CPAMD8: variants seen among roughly 807,000 people sequenced by gnomAD.
CPAMD8 encodes C3 and PZP like alpha-2-macroglobulin domain containing 8.
Under a neutral mutation model 224.7 loss-of-function variants are expected in CPAMD8, and 146 were observed. The observed-to-expected ratio is 0.65, with a 90% CI of 0.57 to 0.75. The LOEUF is 0.75. Ranked by LOEUF, CPAMD8 falls within the 30% of genes least tolerant of loss-of-function variation. The pLI is 0.00. For synonymous variants in CPAMD8, 966 were observed against 1,044.6 expected (o/e 0.92, Z 1.45); for missense variants, 2,301 against 2,537.5 (o/e 0.91, Z 2.00).
intron 14 of CPAMD8, 55 bp downstream of exon 14, chr19:16,980,442 A>G (rs1310802686): frequency 8.4e-6 from 13 of 1,544,344 alleles, no homozygotes; most frequent in Non-Finnish European, 1.2e-5. Context: ...CACCCATCTC[A>G]GTCTCAATTG....
rs1178866065 is a variant in CPAMD8 at position 16,897,897 on chromosome 19, T to C, written c.4946A>G (p.Tyr1649Cys). 6.2e-7 allele frequency: 1 copy of C among 1,609,572 alleles called. No individual in the cohort carries two copies. Among genetic ancestry groups the C allele is most frequent in the Admixed American group, 1.7e-5 (1 of 59,716 alleles). ...SALPVSVYDY[Y>C]EPAFEATRFY... ...CGGGCGCGCGGGCCTACCGGGTTCG[T>C]AGTAGTCGTACACGGAGACTGGCAG... Residue 1649 changes from tyrosine to cysteine, a missense_variant, in exon 38 of 42, where the codon TAC becomes TGC. Tyr to Cys is a radical substitution (Grantham distance 194, BLOSUM62 -2). Coordinates refer to ENST00000443236, the MANE Select transcript of CPAMD8 (RefSeq NM_015692.5).
chr19:16,901,445 T>C (rs1447751434), intron 35 of CPAMD8, 148 bp from the exon 36 acceptor site: 1 of 670,578 alleles, frequency 1.5e-6, no homozygotes. Context: ...ACACACATCC[T>C]TGGCTCGGTC....
At chr19:17,021,884 C>T in intron 2 of CPAMD8, 146 bp downstream of exon 2, 1 of 681,334 alleles carries the variant, frequency 1.5e-6, no homozygotes. Context: ...TGCAACCTGT[C>T]TTCCCTCCCT....
chr19:17,013,352 T>C (rs1429562723), intron 3 of CPAMD8: 1 of 148,934 alleles, frequency 6.7e-6, no homozygotes, highest in African/African-American at 2.5e-5. Context: ...CTACAAAAAA[T>C]ACAAAAAAAA....
intron 3 of CPAMD8, among the ~76,000 whole-genome samples, chr19:17,016,855 A>G (rs1463022448): frequency 6.6e-6 from 1 of 151,892 alleles, no homozygotes; most frequent in Admixed American, 6.6e-5. Flanking sequence ...AAGAAATCCA[A>G]TCACAGGAAG....
chr19:17,009,890 G>A (rs560595251), intron 5 of CPAMD8, among the ~76,000 whole-genome samples: 41 of 152,232 alleles, frequency 2.7e-4, no homozygotes, highest in African/African-American at 8.4e-4. Context: ...ACAAGGCACC[G>A]GGGAGGATCC....
At chr19:16,984,505 G>A (rs986171892) in intron 13 of CPAMD8, among the ~76,000 whole-genome samples, 1 of 152,022 alleles carries the variant, frequency 6.6e-6, no homozygotes, top group African/African-American at 2.4e-5. Flanking sequence ...TTTGAGATGT[G>A]GCATCGGAAG....
chr19:16,916,658 G>A (rs1599693471), intron 27 of CPAMD8, among the ~76,000 whole-genome samples: 1 of 152,022 alleles, frequency 6.6e-6, no homozygotes, highest in Non-Finnish European at 1.5e-5. Context: ...AGAATTGCTT[G>A]ACCTCAGGAG....
At chr19:16,926,082 A>G (rs954198287) in intron 25 of CPAMD8, among the ~76,000 whole-genome samples, 1 of 152,046 alleles carries the variant, frequency 6.6e-6, no homozygotes, top group African/African-American at 2.4e-5. Context: ...TTTCTAAAAT[A>G]TTCAGATTTT....
chr19:16,995,061 C>A (rs964370822), intron 11 of CPAMD8, among the ~76,000 whole-genome samples: 1 of 152,224 alleles, frequency 6.6e-6, no homozygotes, highest in Non-Finnish European at 1.5e-5. Context: ...CTTCTTCATA[C>A]ACATTCTGAC....
chr19:17,025,273 G>T (rs552383522), intron 1 of CPAMD8, among the ~76,000 whole-genome samples: 1 of 152,238 alleles, frequency 6.6e-6, no homozygotes, highest in African/African-American at 2.4e-5. Flanking sequence ...TTAGCCGGGT[G>T]TGGTGGCACA....
intron 14 of CPAMD8, among the ~76,000 whole-genome samples, chr19:16,979,439 C>CGTCTACCAATCCACCCATTT (rs1799702078): frequency 1.6e-5 from 1 of 61,322 alleles, no homozygotes; most frequent in African/African-American, 2.0e-4. Flanking sequence ...TCCATCCATC[C>CGTCTACCAATCCACCCATTT]ATCTATCAAT....
chr19:16,893,498 G>A (rs2051840439), intron 41 of CPAMD8, 159 bp from the exon 42 acceptor site: 1 of 583,326 alleles, frequency 1.7e-6, no homozygotes, highest in African/African-American at 1.9e-5. Flanking sequence ...GGCAGCGAGG[G>A]GCCTCCGTGC....
chr19:17,025,862 A>G (rs2057068191), intron 1 of CPAMD8, among the ~76,000 whole-genome samples: 1 of 152,058 alleles, frequency 6.6e-6, no homozygotes, highest in South Asian at 2.1e-4. Flanking sequence ...AAATAACGAC[A>G]CCCACCTAGT....
At position 17,011,660 on chromosome 19, in the gene CPAMD8, G is replaced by T; in HGVS notation, c.365C>A (p.Thr122Asn). ...GPLFHNQTSV[T>N]VDGRGASVFI... ...TACAGAAGCGCCCCGGCCGTCCACGGTCACCGAGGTCTGGTTGTGAAAGAG... is the reference window on the plus strand; with the variant it reads ...TACAGAAGCGCCCCGGCCGTCCACGTTCACCGAGGTCTGGTTGTGAAAGAG... Residue 122 changes from threonine to asparagine, a missense_variant, in exon 4 of 42, where the codon ACC becomes AAC. Around this residue, in one of 4 missense-constraint regions of CPAMD8, gnomAD observed 283 missense variants for 340.6 expected, o/e 0.83. Coordinates refer to ENST00000443236, the MANE Select transcript of CPAMD8 (RefSeq NM_015692.5). 1.2e-6 allele frequency: 2 copies of T among 1,614,048 alleles called. No homozygotes were observed. The highest frequency in any genetic ancestry group is 1.7e-6 in the Non-Finnish European group (2 of 1,180,006).
chr19:16,996,782 G>A (rs544911482), intron 11 of CPAMD8, among the ~76,000 whole-genome samples: 11 of 145,002 alleles, frequency 7.6e-5, no homozygotes, highest in East Asian at 2.0e-4. Flanking sequence ...TGGAGCCACT[G>A]CACTCCAGCC....
At chr19:16,982,150 T>C (rs1203213801) in intron 13 of CPAMD8, among the ~76,000 whole-genome samples, 2 of 152,010 alleles carry the variant, frequency 1.3e-5, no homozygotes, top group African/African-American at 4.8e-5. Context: ...TCTCAGCACA[T>C]TGAGAGGCCG....
intron 7 of CPAMD8, among the ~76,000 whole-genome samples, chr19:17,007,772 T>C (rs73018325): frequency 0.033 from 4,998 of 152,146 alleles, 104 homozygotes; most frequent in Middle Eastern, 0.051. Flanking sequence ...TTCCTAGTCA[T>C]AGGAAAAGAA....
In CPAMD8 at chr19:17,002,314, C is replaced by G. The variant is rs768935168; in HGVS notation, c.710G>C (p.Arg237Pro). The part of the protein sequence containing the change: ...PKFELLIDPP[R>P]YIQDLDACET... ...ACAGGCGTCCAGGTCTTGGATATAC[C>G]GGGGCGGGTCAATCAGAAGCTCAAA... The change falls in exon 9 of 42, where the codon CGG (arginine) becomes CCG (proline). Residue 237 changes from arginine (R) to proline (P), a missense_variant. Arg to Pro is a moderately radical substitution (Grantham distance 103). Coordinates refer to ENST00000443236, the MANE Select transcript of CPAMD8 (RefSeq NM_015692.5). 1.9e-6 allele frequency: 3 copies of G among 1,606,330 alleles called. No individual in the cohort carries two copies. Among genetic ancestry groups the G allele is most frequent in the Non-Finnish European group, 2.6e-6 (3 of 1,175,622 alleles).
Sources: allele counts gnomAD v4.1 joint callset (sites outside exome capture counted in the v4.1 genomes callset), GRCh38; gene constraint gnomAD v4.1.1; regional missense constraint gnomAD v4.1.1; transcripts MANE v1.5; gene names NCBI Gene and HGNC (gene_info 2026-07-23, HGNC 2026-07-21).